Variants in KIF13A observed in about 807,000 individuals in gnomAD.
KIF13A encodes kinesin family member 13A.
In KIF13A, 79 loss-of-function variants were observed where a neutral mutation model predicts 212.2. That is an observed-to-expected ratio of 0.37 (90% CI 0.31 to 0.45). KIF13A has a LOEUF of 0.45. Ranked by LOEUF, KIF13A falls within the 20% of genes least tolerant of loss-of-function variation. KIF13A has a pLI of 1.00. For synonymous variants in KIF13A, 789 were observed against 808.6 expected (o/e 0.98, Z 0.41); for missense variants, 1,901 against 2,209.0 (o/e 0.86, Z 2.79).
At chr6:17,795,525 G>A (rs1761956851) in intron 23 of KIF13A, among the ~76,000 whole-genome samples, 1 of 151,416 alleles carries the variant, frequency 6.6e-6, no homozygotes. Context: ...AACCCAGGAG[G>A]TGGAGGTTGC....
chr6:17,789,104 T>C lies in KIF13A; in HGVS notation c.3261+768A>G, dbSNP rs1009410650. 1.3e-5 allele frequency among the ~76,000 whole-genome samples: 2 copies of C among 152,214 alleles called. No individual in the cohort carries two copies. Among genetic ancestry groups the C allele is most frequent in the Non-Finnish European group, 2.9e-5 (2 of 68,036 alleles). ...GTGTATGGAGAATCCGTACAAAGACTGGGAACCGAACCCAGAAAGCTTCAT... is the reference window on the plus strand; with the variant it reads ...GTGTATGGAGAATCCGTACAAAGACCGGGAACCGAACCCAGAAAGCTTCAT... On this transcript the variant is annotated intron_variant, in intron 26 of 38. Coordinates refer to ENST00000259711, the MANE Select transcript of KIF13A (RefSeq NM_022113.6). This position sits in a 1 kb window ranked among gnomAD's most constrained non-coding sequence, Gnocchi z 4.8.
At chr6:17,965,109 A>AT (rs1281358051) in intron 2 of KIF13A, among the ~76,000 whole-genome samples, 2 of 152,206 alleles carry the variant, frequency 1.3e-5, no homozygotes, top group East Asian at 3.8e-4. Flanking sequence ...AGATTAAGGC[A>AT]TGAGCCACTG....
chr6:17,976,245 T>TA (rs1223948574), intron 2 of KIF13A, among the ~76,000 whole-genome samples: 1 of 152,124 alleles, frequency 6.6e-6, no homozygotes, highest in Non-Finnish European at 1.5e-5. Flanking sequence ...GGGCCGGCGC[T>TA]CGTCAGGGAG....
In KIF13A at chr6:17,858,001, C is replaced by A. The variant is rs538879308; in HGVS notation, c.221-1879G>T. Among the ~76,000 whole-genome samples the A allele has an allele frequency of 2.0e-4, 30 of 151,746 alleles. No homozygotes were observed. The South Asian group carries it at 2.5e-3, about 13-fold the overall frequency. Reference sequence around the variant, plus strand: ...CACCCACATCTATGTGTAAATAATGCTCAAATTAAAAAACATTAAGTGAAA... The same window carrying A: ...CACCCACATCTATGTGTAAATAATGATCAAATTAAAAAACATTAAGTGAAA... On this transcript the variant is annotated intron_variant, in intron 4 of 38. Transcript: ENST00000259711.
chr6:17,838,130 T>C lies in KIF13A; in HGVS notation c.831-547A>G, dbSNP rs1194814339. On this transcript the variant is annotated intron_variant, in intron 9 of 38. Coordinates refer to ENST00000259711, the MANE Select transcript of KIF13A (RefSeq NM_022113.6). The surrounding 1 kb of genome is among the most constrained non-coding windows in gnomAD (Gnocchi z 4.2). ...AGGGGTCAGGAGATCAAGACCATCC[T>C]GGCCAACATGGTGAAACCCCATCTC... Among the ~76,000 whole-genome samples the C allele has an allele frequency of 6.6e-6, 1 of 152,024 alleles. No individual in the cohort carries two copies. The highest frequency in any genetic ancestry group is 2.4e-5 in the African/African-American group (1 of 41,382).
chr6:17,764,398 G>A lies in KIF13A; in HGVS notation c.5130C>T (p.Ser1710=). 6.2e-7 allele frequency: 1 copy of A among 1,613,960 alleles called. No homozygotes were observed. Among genetic ancestry groups the A allele is most frequent in the Non-Finnish European group, 8.5e-7 (1 of 1,179,886 alleles). ...TGGGGCAGAATCCCCTGGCTGGCTG[G>A]CTAATTTTGCTGGGGCAGGCATCTA... ...SELDACPSKI[S]QPARGFCPRE... Residue 1710 remains serine, a synonymous_variant, in exon 39 of 39, where the codon AGC becomes AGT. Coordinates refer to ENST00000259711, the MANE Select transcript of KIF13A (RefSeq NM_022113.6). This position sits in a 1 kb window ranked among gnomAD's most constrained non-coding sequence, Gnocchi z 5.1.
At chr6:17,935,843 CAA>C (rs1258337819) in intron 2 of KIF13A, among the ~76,000 whole-genome samples, 2 of 152,112 alleles carry the variant, frequency 1.3e-5, no homozygotes, top group Non-Finnish European at 2.9e-5. Flanking sequence ...TATTCATTTC[CAA>C]CCAGATTCTT....
At chr6:17,955,943 C>T (rs2150578497) in intron 2 of KIF13A, among the ~76,000 whole-genome samples, 1 of 152,138 alleles carries the variant, frequency 6.6e-6, no homozygotes, top group East Asian at 1.9e-4. Context: ...GACTGTTATT[C>T]TTGTATACAG....
intron 4 of KIF13A, among the ~76,000 whole-genome samples, chr6:17,863,928 CT>C (rs1269239987): frequency 6.6e-6 from 1 of 152,096 alleles, no homozygotes; most frequent in Admixed American, 6.6e-5. Flanking sequence ...GCTGTTTACG[CT>C]GAGTGGTGGG....
At chr6:17,894,567 A>G (rs1772388731) in intron 3 of KIF13A, among the ~76,000 whole-genome samples, 1 of 152,118 alleles carries the variant, frequency 6.6e-6, no homozygotes, top group South Asian at 2.1e-4. Context: ...GAGTTCCTAT[A>G]TAGTCTCGCT....
rs756248183 is a variant in KIF13A, at chr6:17,804,501, G to T, written c.2314C>A (p.Leu772Ile). Residue 772 changes from leucine to isoleucine, a missense_variant, in exon 20 of 39, where the codon CTC becomes ATC. Physicochemically the swap from Leu to Ile is conservative, Grantham distance 5 (BLOSUM62 2). Coordinates refer to ENST00000259711, the MANE Select transcript of KIF13A (RefSeq NM_022113.6). ...AAAGGGTCACCTCGTTTTCCGTAGAGTCTCTTTGCCTGAGAAGTAGGAGGG... is the reference window on the plus strand; with the variant it reads ...AAAGGGTCACCTCGTTTTCCGTAGATTCTCTTTGCCTGAGAAGTAGGAGGG... The part of the protein sequence containing the change: ...WKEKVPEAKR[L>I]YGKRGDPFYE... The T allele has an allele frequency of 1.3e-6, 2 of 1,597,372 alleles. No homozygotes were observed. Among genetic ancestry groups the T allele is most frequent in the East Asian group, 4.5e-5 (2 of 44,328 alleles).
Position 17,764,447 on chromosome 6 carries a change from C to T in KIF13A, c.5081G>A (p.Cys1694Tyr). ...SIPEKNSKSLCRTGSCSELDA... is the reference protein window; with the variant it reads ...SIPEKNSKSLYRTGSCSELDA... The stretch of plus-strand genomic sequence containing the variant: ...TAGTTCTGAACATGAGCCAGTCCTG[C>T]ACAGTGATTTGGAGTTTTTCTCAGG... Residue 1694 changes from cysteine (C) to tyrosine (Y), a missense_variant, in exon 39 of 39, where the codon TGC becomes TAC. By Grantham distance (194) the Cys-to-Tyr change is radical. Transcript: ENST00000259711. This position sits in a 1 kb window ranked among gnomAD's most constrained non-coding sequence, Gnocchi z 5.1. The T allele has an allele frequency of 6.2e-7, 1 of 1,614,014 alleles. No homozygotes were observed. The highest frequency in any genetic ancestry group is 1.7e-5 in the Admixed American group (1 of 60,026).
At chr6:17,870,461 A>AAAAGTTTGTTGC (rs1769897438) in intron 4 of KIF13A, among the ~76,000 whole-genome samples, 1 of 152,180 alleles carries the variant, frequency 6.6e-6, no homozygotes, top group African/African-American at 2.4e-5. Flanking sequence ...TTGAAAAAAA[A>AAAAGTTTGTTGC]AAAGTTTGTT....
chr6:17,862,556 A>G (rs977137578), intron 4 of KIF13A, among the ~76,000 whole-genome samples: 3 of 152,138 alleles, frequency 2.0e-5, no homozygotes, highest in East Asian at 3.9e-4. Context: ...CAATCCCAAC[A>G]GTTTGGGAGG....
chr6:17,948,997 C>T (rs1306664467), intron 2 of KIF13A, among the ~76,000 whole-genome samples: 3 of 152,068 alleles, frequency 2.0e-5, no homozygotes, highest in Non-Finnish European at 4.4e-5. Flanking sequence ...AGTCTTTTGC[C>T]TTTCTTACAT....
intron 2 of KIF13A, among the ~76,000 whole-genome samples, chr6:17,910,486 G>C (rs1335821132): frequency 6.6e-6 from 1 of 152,146 alleles, no homozygotes; most frequent in African/African-American, 2.4e-5. Context: ...CAATGTAAGA[G>C]GTATCCTACA....
chr6:17,869,643 C>A (rs1464166297), intron 4 of KIF13A, among the ~76,000 whole-genome samples: 2 of 151,716 alleles, frequency 1.3e-5, no homozygotes, highest in Non-Finnish European at 2.9e-5. Flanking sequence ...ATTATACCCC[C>A]ACTAGAGAAT....
chr6:17,803,097 C>A (rs1047912739), intron 20 of KIF13A, among the ~76,000 whole-genome samples: 18 of 151,862 alleles, frequency 1.2e-4, no homozygotes, highest in African/African-American at 4.4e-4. Context: ...CTAAGCCTGG[C>A]TAATTTTTTT....
intron 4 of KIF13A, among the ~76,000 whole-genome samples, chr6:17,869,359 G>A (rs527716716): frequency 1.3e-5 from 2 of 152,126 alleles, no homozygotes; most frequent in African/African-American, 4.8e-5. Flanking sequence ...TAAAGACAAC[G>A]ATAAACATTA....
Sources: gnomAD v4.1 joint callset for allele counts (sites outside exome capture counted in the v4.1 genomes callset) on GRCh38, gnomAD v4.1.1 for gene constraint, Gnocchi (gnomAD v3.1) non-coding constraint, MANE v1.5 for transcripts, NCBI Gene and HGNC (gene_info 2026-07-23, HGNC 2026-07-21) for gene names.